COX10: variants seen among roughly 807,000 people sequenced by gnomAD.
The protein encoded by COX10 is cytochrome c oxidase assembly factor heme A:farnesyltransferase COX10.
A neutral mutation model predicts 37.3 loss-of-function variants in COX10; 27 were observed. The observed-to-expected ratio is 0.72, with a 90% confidence interval of 0.53 to 1.00. The LOEUF (loss-of-function observed/expected upper bound fraction) is 1.00. Ranked by LOEUF, COX10 falls within the 50% of genes least tolerant of loss-of-function variation. The pLI is 0.00. For missense variants in COX10, 475 were observed against 563.2 expected (o/e 0.84, Z 1.59); for synonymous variants, 222 against 229.1 (o/e 0.97, Z 0.28).
At position 14,207,051 on chromosome 17, in the gene COX10, G is replaced by A. The variant is rs779518042; in HGVS notation, c.1170G>A (p.Ala390=). The part of the protein sequence containing the change: ...TFPIMALPIN[A]YISYLGFRFY... ...CCATCATGGCCCTTCCCATCAATGC[G>A]TACATCTCCTACCTCGGCTTCCGCT... Residue 390 remains alanine, a synonymous_variant, in exon 7 of 7, where the codon GCG becomes GCA. Transcript: ENST00000261643. 6.5e-5 allele frequency: 105 copies of A among 1,613,938 alleles called. No homozygotes were observed. Among genetic ancestry groups the A allele is most frequent in the Admixed American group, 8.3e-5 (5 of 60,004 alleles).
chr17:14,158,242 A>T (rs1905089362), intron 4 of COX10, among the ~76,000 whole-genome samples: 1 of 152,036 alleles, frequency 6.6e-6, no homozygotes, highest in Non-Finnish European at 1.5e-5. Context: ...CGTAAAAAAA[A>T]AATTAAAAGT....
chr17:14,100,466 A>G (rs1415808582), intron 3 of COX10, among the ~76,000 whole-genome samples: 1 of 152,206 alleles, frequency 6.6e-6, no homozygotes, highest in African/African-American at 2.4e-5. Context: ...GACTTACGTT[A>G]GATGAGGTCA....
intron 5 of COX10, among the ~76,000 whole-genome samples, chr17:14,165,106 T>C (rs1905250420): frequency 6.6e-6 from 1 of 152,238 alleles, no homozygotes; most frequent in Non-Finnish European, 1.5e-5. Flanking sequence ...AGCTTTTTCA[T>C]GCAAATTGGC....
intron 4 of COX10, among the ~76,000 whole-genome samples, chr17:14,147,168 A>G (rs1904745311): frequency 6.7e-6 from 1 of 149,134 alleles, no homozygotes; most frequent in African/African-American, 2.5e-5. Context: ...AAGAAAGGAA[A>G]TCAGTATATG....
intron 4 of COX10, among the ~76,000 whole-genome samples, chr17:14,127,716 T>C (rs1293445584): frequency 6.6e-6 from 1 of 152,184 alleles, no homozygotes; most frequent in African/African-American, 2.4e-5. Flanking sequence ...ATTGTTACTC[T>C]GTCTTTTTGT....
intron 6 of COX10, among the ~76,000 whole-genome samples, chr17:14,198,805 G>A (rs1906444475): frequency 6.6e-6 from 1 of 152,100 alleles, no homozygotes; most frequent in Non-Finnish European, 1.5e-5. Flanking sequence ...TAAGTACCAG[G>A]TACTGTTTAA....
intron 1 of COX10, among the ~76,000 whole-genome samples, chr17:14,072,374 C>T (rs1483463053): frequency 6.6e-6 from 1 of 152,108 alleles, no homozygotes; most frequent in Non-Finnish European, 1.5e-5. Context: ...ACGCCCACCA[C>T]CACGGCCGGC....
chr17:14,138,521 A>G (rs897795270), intron 4 of COX10, among the ~76,000 whole-genome samples: 1 of 152,072 alleles, frequency 6.6e-6, no homozygotes, highest in African/African-American at 2.4e-5. Flanking sequence ...TTAAGTTTCC[A>G]TTTTATATTG....
At chr17:14,137,021 T>G (rs11871117) in intron 4 of COX10, among the ~76,000 whole-genome samples, 3,216 of 152,028 alleles carry the variant, frequency 0.021, 119 homozygotes, top group African/African-American at 0.074. Flanking sequence ...GGTGAGGAAT[T>G]TAATGGGTAA....
chr17:14,197,703 T>A (rs1906406920), intron 6 of COX10, among the ~76,000 whole-genome samples: 1 of 150,564 alleles, frequency 6.6e-6, no homozygotes, highest in Non-Finnish European at 1.5e-5. Flanking sequence ...CAGCTCAGCT[T>A]TTCTCCCCGT....
At chr17:14,165,101 T>G (rs1905250364) in intron 5 of COX10, among the ~76,000 whole-genome samples, 2 of 152,238 alleles carry the variant, frequency 1.3e-5, no homozygotes, top group African/African-American at 4.8e-5. Context: ...TCTAAAGCTT[T>G]TTCATGCAAA....
At chr17:14,083,908 T>C (rs561535294) in intron 3 of COX10, among the ~76,000 whole-genome samples, 1 of 152,326 alleles carries the variant, frequency 6.6e-6, no homozygotes, top group Admixed American at 6.5e-5. Flanking sequence ...CAGAACTTTT[T>C]TCCTGAGTAA....
chr17:14,129,037 G>T (rs75221576), intron 4 of COX10, among the ~76,000 whole-genome samples: 1 of 152,092 alleles, frequency 6.6e-6, no homozygotes, highest in African/African-American at 2.4e-5. Flanking sequence ...TAGAGACAAG[G>T]GTTTCACCAT....
chr17:14,133,841 G>GT (rs1916518746), intron 4 of COX10, among the ~76,000 whole-genome samples: 1 of 151,642 alleles, frequency 6.6e-6, no homozygotes, highest in African/African-American at 2.4e-5. Context: ...TTTCAGTGTA[G>GT]TCTTAATTAG....
At chr17:14,127,873 T>G (rs1056927444) in intron 4 of COX10, among the ~76,000 whole-genome samples, 10 of 151,952 alleles carry the variant, frequency 6.6e-5, no homozygotes, top group Admixed American at 2.0e-4. Context: ...GTGTTTTTAA[T>G]TTTTTTCAAA....
At chr17:14,138,862 G>T (rs900970839) in intron 4 of COX10, among the ~76,000 whole-genome samples, 1 of 152,160 alleles carries the variant, frequency 6.6e-6, no homozygotes, top group African/African-American at 2.4e-5. Flanking sequence ...GTAGTGTGCT[G>T]TGTGGGGTAT....
At chr17:14,132,552 A>G (rs998781369) in intron 4 of COX10, among the ~76,000 whole-genome samples, 1 of 151,642 alleles carries the variant, frequency 6.6e-6, no homozygotes, top group Non-Finnish European at 1.5e-5. Context: ...TATCCATAAT[A>G]TTTTCCTAAT....
chr17:14,093,246 T>C (rs1915567950), intron 3 of COX10, among the ~76,000 whole-genome samples: 1 of 152,190 alleles, frequency 6.6e-6, no homozygotes, highest in Non-Finnish European at 1.5e-5. Context: ...TTGTTTTTTC[T>C]CTTAGTTCTT....
At chr17:14,093,345 T>C (rs1271270074) in intron 3 of COX10, among the ~76,000 whole-genome samples, 1 of 152,144 alleles carries the variant, frequency 6.6e-6, no homozygotes, top group Admixed American at 6.5e-5. Flanking sequence ...TAACGTAATC[T>C]TTACAGTTAT....
Sources: gnomAD v4.1 joint callset for allele counts (sites outside exome capture counted in the v4.1 genomes callset) on GRCh38, gnomAD v4.1.1 for gene constraint, MANE v1.5 for transcripts, NCBI Gene and HGNC (gene_info 2026-07-23, HGNC 2026-07-21) for gene names.